The following MYO18A variants were observed in gnomAD, a reference collection of about 807,000 sequenced individuals.
The protein encoded by MYO18A is unconventional myosin-XVIIIa.
In MYO18A, 78 loss-of-function variants were observed where a neutral mutation model predicts 235.8. The ratio of observed to expected loss-of-function variants is 0.33; its 90% confidence interval spans 0.28 to 0.40. The LOEUF is 0.40. MYO18A is among the 10% of genes least tolerant of loss of function. MYO18A has a pLI of 1.00. For synonymous variants in MYO18A, 977 were observed against 1,077.8 expected (o/e 0.91, Z 1.83); for missense variants, 2,215 against 2,699.3 (o/e 0.82, Z 3.98).
intron 41 of MYO18A, chr17:29,080,624 T>G: frequency 1.0e-6 from 1 of 985,600 alleles, no homozygotes; most frequent in Non-Finnish European, 1.2e-6. Flanking sequence ...GAGCCAGCCC[T>G]GTCTTCGCCA....
chr17:29,086,497 G>C lies in MYO18A; in HGVS notation c.5793C>G (p.Asp1931Glu), dbSNP rs1039171008. 40 of 1,611,484 alleles carry C rather than the reference G, an allele frequency of 2.5e-5. No homozygotes were observed. Among genetic ancestry groups the C allele is most frequent in the Non-Finnish European group, 3.3e-5 (39 of 1,178,908 alleles). ...DLKLAFKRIG[D>E]LQAAIEDEME... ...TCTCATCCTCAATGGCAGCCTGCAG[G>C]TCCCCGATGCGCTTGAATGCCAACT... The change falls in exon 39 of 42, where the codon GAC becomes GAG. Residue 1931 changes from aspartate (D) to glutamate (E), a missense_variant. Transcript: ENST00000527372.
At chr17:29,081,578 G>A (rs903248543) in intron 41 of MYO18A, among the ~76,000 whole-genome samples, 1 of 150,784 alleles carries the variant, frequency 6.6e-6, no homozygotes, top group African/African-American at 2.4e-5. Flanking sequence ...GGATCAGGAT[G>A]GGCTTGATCA....
chr17:29,085,722 A>G (rs2066238333), intron 39 of MYO18A, 74 bp from the exon 40 acceptor site: 2 of 1,490,478 alleles, frequency 1.3e-6, no homozygotes, highest in East Asian at 2.3e-5. Context: ...CCCAAGGTGG[A>G]CCCCTTAGCT....
At chr17:29,079,619 C>G (rs867120808) in intron 41 of MYO18A, 17 of 783,136 alleles carry the variant, frequency 2.2e-5, no homozygotes, top group Middle Eastern at 6.6e-4. Flanking sequence ...CAGGCATGCC[C>G]GAGAGGAGTG....
Position 29,117,647 on chromosome 17 carries a change from C to G in MYO18A, c.2038+398G>C, listed in dbSNP as rs557702468. ...GTCCTGGGCAAGCACCAAGACAGGG[C>G]ACGGCGGCCCCTATACCCAAGGGCG... On this transcript the variant is annotated intron_variant, in intron 10 of 41. Coordinates refer to ENST00000527372, the MANE Select transcript of MYO18A (RefSeq NM_078471.4). The surrounding 1 kb of genome is among the most constrained non-coding windows in gnomAD (Gnocchi z 4.6). Among the ~76,000 whole-genome samples, 1 of 152,316 alleles carries G rather than the reference C, an allele frequency of 6.6e-6. No homozygotes were observed. Among genetic ancestry groups the G allele is most frequent in the South Asian group, 2.1e-4 (1 of 4,820 alleles).
Position 29,125,952 on chromosome 17 carries a change from C to T in MYO18A, c.1000-3699G>A, listed in dbSNP as rs551328592. ...GCCTCTTCCACGGGGGTCAGCTGGA[C>T]CTTGGCAGCTCCTGCCTAAAGGTTA... On this transcript the variant is annotated intron_variant, in intron 2 of 41. Coordinates refer to ENST00000527372, the MANE Select transcript of MYO18A (RefSeq NM_078471.4). This position sits in a 1 kb window ranked among gnomAD's most constrained non-coding sequence, Gnocchi z 5.1. 1 of 985,898 alleles carries T rather than the reference C, an allele frequency of 1.0e-6. No individual in the cohort carries two copies. Among genetic ancestry groups the T allele is most frequent in the African/African-American group, 1.7e-5 (1 of 57,366 alleles). The allele number at this position is 985,898 out of a possible 1,614,324, so 61.1% of individuals were successfully genotyped here.
At chr17:29,148,579 CTT>C (rs2067896997) in intron 2 of MYO18A, among the ~76,000 whole-genome samples, 1 of 117,356 alleles carries the variant, frequency 8.5e-6, no homozygotes, top group African/African-American at 3.6e-5. Flanking sequence ...ATCCTTTATT[CTT>C]TTGTGTGTGT....
rs771718569 is a variant in MYO18A at position 29,117,858 on chromosome 17, C to T, written c.2038+187G>A. On this transcript the variant is annotated intron_variant, in intron 10 of 41. Coordinates refer to ENST00000527372, the MANE Select transcript of MYO18A (RefSeq NM_078471.4). This position sits in a 1 kb window ranked among gnomAD's most constrained non-coding sequence, Gnocchi z 4.6. ...AGCCAGCTAAGTCCAGGCCTCGGGT[C>T]GTCACTGCCAAAGATGCTTCCCGGG... Among the ~76,000 whole-genome samples the T allele has an allele frequency of 1.3e-5, 2 of 152,154 alleles. No homozygotes were observed. The highest frequency in any genetic ancestry group is 2.4e-5 in the African/African-American group (1 of 41,430).
chr17:29,108,600 C>T (rs560295092), intron 19 of MYO18A, among the ~76,000 whole-genome samples: 11 of 152,342 alleles, frequency 7.2e-5, no homozygotes, highest in African/African-American at 2.6e-4. Flanking sequence ...TAGCCAAGGG[C>T]ATGCTCCACA....
chr17:29,129,684 T>G (rs1268735316), intron 2 of MYO18A, among the ~76,000 whole-genome samples: 4 of 152,216 alleles, frequency 2.6e-5, no homozygotes, highest in African/African-American at 7.2e-5. Flanking sequence ...CACCTGCCCA[T>G]GCTTGCTTGG....
intron 11 of MYO18A, 162 bp from the exon 12 acceptor site, chr17:29,116,002 C>T: frequency 1.4e-6 from 1 of 731,072 alleles, no homozygotes; most frequent in East Asian, 2.8e-5. Flanking sequence ...CAGTGGCCAG[C>T]ATTTCCTGTG....
chr17:29,172,832 C>T (rs574540748), intron 1 of MYO18A, among the ~76,000 whole-genome samples: 1 of 152,286 alleles, frequency 6.6e-6, no homozygotes, highest in East Asian at 1.9e-4. Context: ...AGAGGGCCCA[C>T]GTAGCTAGTG....
chr17:29,131,539 T>C, intron 2 of MYO18A: 1 of 502,978 alleles, frequency 2.0e-6, no homozygotes, highest in Non-Finnish European at 2.6e-6. Context: ...TCCCTCACCC[T>C]GAGGTGGAGC....
chr17:29,131,323 G>GCA (rs765484248), intron 2 of MYO18A: 113 of 902,126 alleles, frequency 1.3e-4, no homozygotes, highest in Non-Finnish European at 1.3e-4. Flanking sequence ...ATGCACGCAT[G>GCA]CACACACACA....
rs879121884 is a variant in MYO18A at position 29,128,081 on chromosome 17, C to A, written c.1000-5828G>T. 7 of 1,027,384 alleles carry A rather than the reference C, an allele frequency of 6.8e-6. 1 individual carries two copies. In the Admixed American group the frequency reaches 3.3e-4, roughly 49 times the overall value. 63.6% of individuals were successfully genotyped at this position (1,027,384 alleles called of 1,614,324 possible). A position where few individuals can be genotyped will look rare whatever the true frequency, so the allele number is the denominator to read the frequency against. On this transcript the variant is annotated intron_variant, in intron 2 of 41. Coordinates refer to ENST00000527372, the MANE Select transcript of MYO18A (RefSeq NM_078471.4). ...CTCCCCCTTCCCAGAAGACTGCTTG[C>A]CGCGGGCCTTGTGCTCCTTGCCCCT...
At chr17:29,101,602 TG>T (rs1313833531) in intron 21 of MYO18A, among the ~76,000 whole-genome samples, 1 of 152,172 alleles carries the variant, frequency 6.6e-6, no homozygotes, top group Non-Finnish European at 1.5e-5. Flanking sequence ...CCACCACGCC[TG>T]GCCCCCAGCT....
chr17:29,094,680 C>T lies in MYO18A; in HGVS notation c.4680G>A (p.Glu1560=). The change falls in exon 30 of 42, where the codon GAG becomes GAA. Residue 1560 remains glutamate (E), a synonymous_variant. Transcript: ENST00000527372. The part of the protein sequence containing the change: ...KVKDQEEELD[E]QAGTIQMLEQ... ...CCAGCATCTGGATGGTCCCTGCCTGCTCATCCAGCTCTTCTTCCTGATCCT... is the reference window on the plus strand; with the variant it reads ...CCAGCATCTGGATGGTCCCTGCCTGTTCATCCAGCTCTTCTTCCTGATCCT... The T allele has an allele frequency of 6.2e-7, 1 of 1,614,082 alleles. No homozygotes were observed. The highest frequency in any genetic ancestry group is 8.5e-7 in the Non-Finnish European group (1 of 1,179,906).
intron 37 of MYO18A, among the ~76,000 whole-genome samples, chr17:29,088,616 C>T (rs953338065): frequency 6.6e-6 from 1 of 152,194 alleles, no homozygotes; most frequent in African/African-American, 2.4e-5. Context: ...GGCTTATAAA[C>T]TCAAGGAGAA....
At chr17:29,102,161 C>T (rs1163420100) in intron 21 of MYO18A, among the ~76,000 whole-genome samples, 1 of 152,208 alleles carries the variant, frequency 6.6e-6, no homozygotes. Flanking sequence ...TTGCCTGCCT[C>T]AGCCGGGCAC....
Sources: allele counts gnomAD v4.1 joint callset (sites outside exome capture counted in the v4.1 genomes callset), GRCh38; gene constraint gnomAD v4.1.1; non-coding constraint Gnocchi (gnomAD v3.1); transcripts MANE v1.5; gene names NCBI Gene and HGNC (gene_info 2026-07-23, HGNC 2026-07-21).